Variants in GABRB1 observed in about 807,000 individuals in gnomAD.
The protein encoded by GABRB1 is gamma-aminobutyric acid type A receptor subunit beta1, also known as gamma-aminobutyric acid receptor subunit beta-1.
In GABRB1, 17 loss-of-function variants were observed where a neutral mutation model predicts 51.6. The ratio of observed to expected loss-of-function variants is 0.33; its 90% CI spans 0.23 to 0.49. GABRB1 has a LOEUF of 0.49. Ranked by LOEUF, GABRB1 falls within the 20% of genes least tolerant of loss-of-function variation. The pLI, the probability that GABRB1 is intolerant of heterozygous loss-of-function variation, is 0.99. For missense variants in GABRB1, 410 were observed against 600.6 expected, an observed-to-expected ratio of 0.68 and a Z score of 3.32; for synonymous variants, 247 against 218.9, an observed-to-expected ratio of 1.13 and a Z score of -1.14.
chr4:47,187,703 CAG>C (rs1238687160), intron 4 of GABRB1, among the ~76,000 whole-genome samples: 1 of 151,828 alleles, frequency 6.6e-6, no homozygotes. Context: ...TCACTTCACT[CAG>C]AAAAGAATCC....
chr4:47,356,380 C>T (rs1158724779), intron 5 of GABRB1, among the ~76,000 whole-genome samples: 1 of 152,136 alleles, frequency 6.6e-6, no homozygotes, highest in Non-Finnish European at 1.5e-5. Context: ...TGTCAGTTTG[C>T]TATTACAAAA....
intron 1 of GABRB1, among the ~76,000 whole-genome samples, chr4:47,001,204 G>A (rs573468089): frequency 3.4e-4 from 51 of 152,088 alleles, no homozygotes; most frequent in Admixed American, 9.8e-4. Flanking sequence ...GTACAGTGGC[G>A]CGATCTGGGC....
At chr4:47,030,473 G>A (rs1476797481), upstream of GABRB1, among the ~76,000 whole-genome samples, 4 of 152,116 alleles carry the variant, frequency 2.6e-5, no homozygotes, top group East Asian at 5.8e-4. Flanking sequence ...ATTACAATTC[G>A]CTTTACTTAC....
intron 4 of GABRB1, among the ~76,000 whole-genome samples, chr4:47,233,431 G>A (rs1721214855): frequency 6.6e-6 from 1 of 152,064 alleles, no homozygotes; most frequent in Non-Finnish European, 1.5e-5. Context: ...GCCACTGCTT[G>A]CCACGCATTT....
At chr4:47,252,086 C>A (rs553204671) in intron 4 of GABRB1, among the ~76,000 whole-genome samples, 4 of 148,878 alleles carry the variant, frequency 2.7e-5, no homozygotes, top group South Asian at 4.4e-4. Flanking sequence ...CACCGCCCCC[C>A]ACCCCGCTGC....
intron 3 of GABRB1, among the ~76,000 whole-genome samples, chr4:47,151,414 C>G (rs914926049): frequency 6.6e-6 from 1 of 152,004 alleles, no homozygotes; most frequent in Admixed American, 6.6e-5. Context: ...TTAATTTCTT[C>G]ATTTCTTCAA....
intron 8 of GABRB1, among the ~76,000 whole-genome samples, chr4:47,409,305 A>G (rs2110057605): frequency 6.6e-6 from 1 of 152,328 alleles, no homozygotes. Flanking sequence ...GAATCAGGTC[A>G]CATGGACAAG....
chr4:47,134,423 G>A (rs1577939039), intron 3 of GABRB1, among the ~76,000 whole-genome samples: 1 of 152,156 alleles, frequency 6.6e-6, no homozygotes, highest in East Asian at 1.9e-4. Context: ...ATAGATTGAT[G>A]TCACTTACCA....
chr4:47,388,017 A>G (rs969504742), intron 5 of GABRB1, among the ~76,000 whole-genome samples: 1 of 152,208 alleles, frequency 6.6e-6, no homozygotes, highest in African/African-American at 2.4e-5. Context: ...CTAGAGTCCC[A>G]TTGGTGTCAA....
At chr4:47,347,883 G>T (rs1034542255) in intron 5 of GABRB1, among the ~76,000 whole-genome samples, 7 of 152,050 alleles carry the variant, frequency 4.6e-5, no homozygotes, top group African/African-American at 1.7e-4. Context: ...ATGTGTGATG[G>T]GCTTATTGAA....
At chr4:47,227,978 C>T (rs990166288) in intron 4 of GABRB1, among the ~76,000 whole-genome samples, 5 of 152,112 alleles carry the variant, frequency 3.3e-5, no homozygotes, top group Admixed American at 6.6e-5. Context: ...CTCATTTTAA[C>T]GTAATTATCT....
At chr4:47,085,866 T>G (rs1308120676) in intron 3 of GABRB1, among the ~76,000 whole-genome samples, 2 of 152,132 alleles carry the variant, frequency 1.3e-5, no homozygotes, top group Admixed American at 1.3e-4. Context: ...TGTAAGGTAA[T>G]CCAAGGTCCC....
chr4:47,404,751 A>G (rs1037861764), intron 7 of GABRB1, among the ~76,000 whole-genome samples: 16 of 152,310 alleles, frequency 1.1e-4, no homozygotes, highest in Admixed American at 7.2e-4. Context: ...AGTATCTATC[A>G]CACATATGCA....
At chr4:47,418,348 G>T (rs1728992576) in intron 8 of GABRB1, among the ~76,000 whole-genome samples, 2 of 152,230 alleles carry the variant, frequency 1.3e-5, no homozygotes, top group Admixed American at 6.5e-5. Flanking sequence ...CCTGAAATCT[G>T]CAGGGCTTGC....
intron 5 of GABRB1, among the ~76,000 whole-genome samples, chr4:47,386,033 C>A (rs1301863995): frequency 6.6e-6 from 1 of 152,128 alleles, no homozygotes; most frequent in Non-Finnish European, 1.5e-5. Context: ...CCTGGAAGGT[C>A]TTTGAACATT....
intron 3 of GABRB1, among the ~76,000 whole-genome samples, chr4:47,107,842 GCTCA>G (rs1279319597): frequency 6.6e-6 from 1 of 151,988 alleles, no homozygotes; most frequent in Non-Finnish European, 1.5e-5. Flanking sequence ...ACTTAAAAGA[GCTCA>G]TATTTTAGGA....
At chr4:47,169,567 T>G (rs1345371583) in intron 4 of GABRB1, among the ~76,000 whole-genome samples, 1 of 151,906 alleles carries the variant, frequency 6.6e-6, no homozygotes, top group Non-Finnish European at 1.5e-5. Context: ...AATGGCACAA[T>G]CTTGGCTCAC....
At position 47,023,535 on chromosome 4, in the gene GABRB1, A is replaced by T. The variant is rs184121087; in HGVS notation, c.-19-8379A>T. On this transcript the variant is annotated intron_variant, in intron 1 of 3. Transcript: ENST00000513567. ...AAGAACTGGAGTATGCAGTTTGTTT[A>T]TAGGTATATCTTTTGGTTTAAAAAT... Among the ~76,000 whole-genome samples, 159 of 152,118 alleles carry T rather than the reference A, an allele frequency of 1.0e-3. 1 individual carries two copies. Among genetic ancestry groups the T allele is most frequent in the African/African-American group, 3.3e-3 (137 of 41,548 alleles).
intron 3 of GABRB1, among the ~76,000 whole-genome samples, chr4:47,135,310 G>T (rs940020484): frequency 1.3e-5 from 2 of 152,078 alleles, no homozygotes; most frequent in Non-Finnish European, 2.9e-5. Context: ...TAGCCTACTA[G>T]CAGTTTGATA....
Sources: allele counts gnomAD v4.1 joint callset (sites outside exome capture counted in the v4.1 genomes callset), GRCh38; gene constraint gnomAD v4.1.1; transcripts MANE v1.5; gene names NCBI Gene and HGNC (gene_info 2026-07-23, HGNC 2026-07-21).